The following ERC1 variants were observed in gnomAD, a reference collection of about 807,000 sequenced individuals.
ERC1 encodes RAB6 interacting protein 2.
In ERC1, 56 loss-of-function variants were observed where a neutral mutation model predicts 132.0. That is an observed-to-expected ratio of 0.42 (90% CI 0.34 to 0.53). The LOEUF (loss-of-function observed/expected upper bound fraction) is 0.53, where lower values mean the gene tolerates loss of function less well. Among genes scored for constraint, ERC1 ranks in the 20% least tolerant of loss-of-function variants. The probability of loss-of-function intolerance (pLI) is 0.03; values close to 1 mark genes in which losing one functional copy is unlikely to be tolerated. For missense variants in ERC1, 1,202 were observed against 1,349.9 expected, an observed-to-expected ratio of 0.89 and a Z score of 1.72; for synonymous variants, 478 against 476.1, an observed-to-expected ratio of 1.00 and a Z score of -0.05.
At chr12:1,319,584 A>C (rs2081982676) in intron 15 of ERC1, among the ~76,000 whole-genome samples, 1 of 152,242 alleles carries the variant, frequency 6.6e-6, no homozygotes, top group African/African-American at 2.4e-5. Flanking sequence ...ATAGCTGGTC[A>C]GTCCCATAAA....
Position 1,493,649 on chromosome 12 carries a change from A to T in ERC1, c.*3419A>T, listed in dbSNP as rs541305783. 1.0e-3 allele frequency: 178 copies of T among 172,136 alleles called. No individual in the cohort carries two copies. Among genetic ancestry groups the T allele is most frequent in the African/African-American group, 4.1e-3 (161 of 39,670 alleles). The allele number at this position is 172,136 out of a possible 1,614,324, so 10.7% of individuals were successfully genotyped here. On this transcript the variant is annotated 3_prime_UTR_variant, in exon 19 of 19. Transcript: ENST00000360905. ...TGTCCTTGCACTTTACAATCTAAAG[A>T]TCTACCTGTGGCTCTCAGACTTCCT...
chr12:1,185,579 G>A (rs964489418), intron 11 of ERC1, among the ~76,000 whole-genome samples: 5 of 151,964 alleles, frequency 3.3e-5, no homozygotes, highest in African/African-American at 1.2e-4. Context: ...ACTCATCCAA[G>A]CCAGTGAGTG....
At position 1,263,846 on chromosome 12, in the gene ERC1, C is replaced by T. The variant is rs377118773; in HGVS notation, c.2619+681C>T. On this transcript the variant is annotated intron_variant, in intron 14 of 18. Coordinates refer to ENST00000360905, the MANE Select transcript of ERC1 (RefSeq NM_178040.4). ...CTGGGATTACAGGTGCCTGCCAGCA[C>T]GCCCAGCTAATTTTTGTATTTTTAG... Among the ~76,000 whole-genome samples, 9 of 152,064 alleles carry T rather than the reference C, an allele frequency of 5.9e-5. No homozygotes were observed. In the East Asian group the frequency reaches 9.7e-4, roughly 16 times the overall value.
At chr12:1,077,259 G>A (rs1381707195) in intron 2 of ERC1, among the ~76,000 whole-genome samples, 2 of 151,972 alleles carry the variant, frequency 1.3e-5, no homozygotes, top group African/African-American at 4.8e-5. Flanking sequence ...AGACTACATA[G>A]TTCTGTTATT....
At chr12:1,484,583 C>CT (rs542712129) in intron 18 of ERC1, among the ~76,000 whole-genome samples, 2,174 of 138,086 alleles carry the variant, frequency 0.016, 39 homozygotes, top group African/African-American at 0.037. Flanking sequence ...TTTTCTTTTC[C>CT]TTTTTTTTTT....
intron 15 of ERC1, among the ~76,000 whole-genome samples, chr12:1,313,428 G>T (rs1247910062): frequency 6.6e-6 from 1 of 151,990 alleles, no homozygotes; most frequent in African/African-American, 2.4e-5. Context: ...GGAGTGGATG[G>T]ATATTAAACA....
chr12:1,072,956 G>A (rs953417962), intron 2 of ERC1, among the ~76,000 whole-genome samples: 27 of 152,074 alleles, frequency 1.8e-4, no homozygotes, highest in Non-Finnish European at 3.5e-4. Context: ...CCCTCCCTAA[G>A]TGCTGGGATT....
At chr12:1,261,117 A>G (rs981468229) in intron 13 of ERC1, among the ~76,000 whole-genome samples, 2 of 152,008 alleles carry the variant, frequency 1.3e-5, no homozygotes, top group African/African-American at 2.4e-5. Context: ...TTTTATTGAT[A>G]CAGCCACAAA....
At chr12:1,350,720 T>C (rs745961076) in intron 15 of ERC1, among the ~76,000 whole-genome samples, 1 of 152,176 alleles carries the variant, frequency 6.6e-6, no homozygotes, top group Admixed American at 6.5e-5. Context: ...TGTGTTGTTA[T>C]AAAAGAATAT....
chr12:1,077,595 T>TA (rs1163418523), intron 2 of ERC1, among the ~76,000 whole-genome samples: 1 of 152,188 alleles, frequency 6.6e-6, no homozygotes, highest in Non-Finnish European at 1.5e-5. Flanking sequence ...AGCTGAGTGT[T>TA]AGAGTGAGAA....
chr12:1,387,020 C>T (rs1429522760), intron 16 of ERC1: 1 of 152,292 alleles, frequency 6.6e-6, no homozygotes, highest in Non-Finnish European at 1.5e-5. Context: ...TGCTGGATTT[C>T]AGACTTGCTT....
At chr12:1,302,064 A>G (rs930193266) in intron 15 of ERC1, among the ~76,000 whole-genome samples, 1 of 152,220 alleles carries the variant, frequency 6.6e-6, no homozygotes, top group African/African-American at 2.4e-5. Flanking sequence ...TAAATTACAC[A>G]TCAGTGTCAC....
chr12:1,341,155 G>A (rs534916857), intron 15 of ERC1, among the ~76,000 whole-genome samples: 4 of 120,984 alleles, frequency 3.3e-5, no homozygotes, highest in Admixed American at 3.3e-4. Context: ...GTGCAGTGGC[G>A]CAATCTCGGC....
At chr12:1,080,880 T>A (rs1228548789) in intron 2 of ERC1, among the ~76,000 whole-genome samples, 1 of 152,084 alleles carries the variant, frequency 6.6e-6, no homozygotes, top group Non-Finnish European at 1.5e-5. Flanking sequence ...GTTTTGGGTA[T>A]GTCTTTATCA....
In ERC1 at chr12:1,186,301, A is replaced by G. The variant is rs565733335; in HGVS notation, c.2157+2880A>G. ...TTATGTGGTGAAAATGTTGATTTCTATGGGAATATGATTATCTGCATGGTT... is the reference window on the plus strand; with the variant it reads ...TTATGTGGTGAAAATGTTGATTTCTGTGGGAATATGATTATCTGCATGGTT... On this transcript the variant is annotated intron_variant, in intron 11 of 18. Coordinates refer to ENST00000360905, the MANE Select transcript of ERC1 (RefSeq NM_178040.4). Among the ~76,000 whole-genome samples, 4 of 152,312 alleles carry G rather than the reference A, an allele frequency of 2.6e-5. No homozygotes were observed. The South Asian group carries it at 6.2e-4, about 24-fold the overall frequency.
intron 14 of ERC1, among the ~76,000 whole-genome samples, chr12:1,274,733 C>T (rs1029856121): frequency 5.9e-5 from 9 of 152,038 alleles, no homozygotes; most frequent in Admixed American, 1.3e-4. Flanking sequence ...ACTTGTGATC[C>T]GCACACCTTG....
intron 17 of ERC1, among the ~76,000 whole-genome samples, chr12:1,440,274 G>C (rs11061758): frequency 3.7e-5 from 5 of 135,116 alleles, no homozygotes; most frequent in African/African-American, 5.7e-5. Flanking sequence ...GTGCCATCTC[G>C]GCTCACTGCA....
At chr12:1,462,027 A>T in intron 18 of ERC1, among the ~76,000 whole-genome samples, 1 of 152,346 alleles carries the variant, frequency 6.6e-6, no homozygotes, top group Non-Finnish European at 1.5e-5. Flanking sequence ...TTTAGTATCT[A>T]TTAGATACTT....
rs772284808 is a variant in ERC1, at chr12:1,371,920, G to A, written c.2868G>A (p.Glu956=). 6.2e-7 allele frequency: 1 copy of A among 1,614,124 alleles called. No homozygotes were observed. Among genetic ancestry groups the A allele is most frequent in the African/African-American group, 1.3e-5 (1 of 75,052 alleles). Residue 956 remains glutamate (E), a synonymous_variant, in exon 16 of 19, where the codon GAG becomes GAA. Coordinates refer to ENST00000360905, the MANE Select transcript of ERC1 (RefSeq NM_178040.4). ...CGTCCTCTAAGAAGAAGACCCAAGA[G>A]GAAGTGGCTGCCCTGAAGCGGGAGA... ...ELSSSKKKTQ[E]EVAALKREKD...
Sources: gnomAD v4.1 joint callset for allele counts (sites outside exome capture counted in the v4.1 genomes callset) on GRCh38, gnomAD v4.1.1 for gene constraint, MANE v1.5 for transcripts, NCBI Gene and HGNC (gene_info 2026-07-23, HGNC 2026-07-21) for gene names.